CCM2: variants seen among roughly 807,000 people sequenced by gnomAD.
CCM2 encodes cerebral cavernous malformations 2 protein.
A neutral mutation model predicts 44.9 loss-of-function variants in CCM2; 25 were observed. That is an observed-to-expected ratio of 0.56 (90% CI 0.41 to 0.78). The LOEUF is 0.78. Ranked by LOEUF, CCM2 falls within the 30% of genes least tolerant of loss-of-function variation. The probability of loss-of-function intolerance (pLI) is 0.00; values close to 1 mark genes in which losing one functional copy is unlikely to be tolerated. For missense variants in CCM2, 481 were observed against 580.6 expected (o/e 0.83, Z 1.76); for synonymous variants, 219 against 241.1 (o/e 0.91, Z 0.85).
At chr7:45,003,144 C>A (rs1404550994) in intron 1 of CCM2, among the ~76,000 whole-genome samples, 1 of 152,122 alleles carries the variant, frequency 6.6e-6, no homozygotes, top group Non-Finnish European at 1.5e-5. Context: ...GGCACGATCT[C>A]AGCTCACTGC....
rs1030105441 is a variant in CCM2, at chr7:45,022,496, C to T, written c.31-15757C>T. ...TAATTTTTTGTATTTTTAGTAGAGA[C>T]GGGGTTTCACCGTGTTAGCCAGGAT... On this transcript the variant is annotated intron_variant, in intron 1 of 9. Coordinates refer to ENST00000258781, the MANE Select transcript of CCM2 (RefSeq NM_031443.4). Among the ~76,000 whole-genome samples the T allele has an allele frequency of 3.3e-5, 5 of 150,778 alleles. 1 individual carries two copies. The highest frequency in any genetic ancestry group is 5.9e-5 in the Non-Finnish European group (4 of 67,672).
At chr7:45,022,792 G>T (rs570246338) in intron 1 of CCM2, among the ~76,000 whole-genome samples, 2 of 152,030 alleles carry the variant, frequency 1.3e-5, no homozygotes, top group Non-Finnish European at 2.9e-5. Context: ...CCAGGCTGGA[G>T]TGCAGTGGTG....
At chr7:45,057,251 C>T (rs1169292244) in intron 2 of CCM2, among the ~76,000 whole-genome samples, 1 of 151,976 alleles carries the variant, frequency 6.6e-6, no homozygotes, top group Non-Finnish European at 1.5e-5. Context: ...CAGCCTCTGC[C>T]TCTTGGGTTC....
rs188902046 is a variant in CCM2 at position 45,057,368 on chromosome 7, G to A, written c.205-6550G>A. On this transcript the variant is annotated intron_variant, in intron 2 of 9. Coordinates refer to ENST00000258781, the MANE Select transcript of CCM2 (RefSeq NM_031443.4). ...AGTAGAGACGGGGTTTCACCATGTT[G>A]GCCAGGATGGTCTTGATATACTGAC... Among the ~76,000 whole-genome samples the A allele has an allele frequency of 1.2e-4, 19 of 152,140 alleles. No individual in the cohort carries two copies. The East Asian group carries it at 3.5e-3, about 28-fold the overall frequency.
intron 2 of CCM2, among the ~76,000 whole-genome samples, chr7:45,062,106 G>T (rs188589196): frequency 8.5e-4 from 129 of 152,256 alleles, no homozygotes; most frequent in African/African-American, 3.1e-3. Flanking sequence ...TCAATTATCT[G>T]ATGGATCTGA....
chr7:45,038,654 C>T (rs772337680), intron 2 of CCM2, among the ~76,000 whole-genome samples: 1 of 152,192 alleles, frequency 6.6e-6, no homozygotes, highest in Non-Finnish European at 1.5e-5. Context: ...GCAATGCCAC[C>T]TTCTTTCTCT....
intron 2 of CCM2, among the ~76,000 whole-genome samples, chr7:45,046,466 G>A (rs1250412861): frequency 5.3e-5 from 8 of 152,178 alleles, no homozygotes; most frequent in Non-Finnish European, 8.8e-5. Context: ...GCTGATTCTT[G>A]ACAAAGGTTC....
chr7:45,000,069 G>A, upstream of CCM2: 1 of 168,804 alleles, frequency 5.9e-6, no homozygotes, highest in Non-Finnish European at 1.3e-5. Context: ...ATCGCTGCGG[G>A]TCGGATTCCC....
chr7:45,020,623 T>C (rs929916412), intron 1 of CCM2, among the ~76,000 whole-genome samples: 13 of 152,244 alleles, frequency 8.5e-5, no homozygotes, highest in Admixed American at 2.0e-4. Flanking sequence ...TTTGTAATTT[T>C]AGTAGATGTT....
chr7:45,051,412 T>G (rs1797999599), intron 2 of CCM2, among the ~76,000 whole-genome samples: 2 of 144,866 alleles, frequency 1.4e-5, no homozygotes, highest in South Asian at 4.4e-4. Flanking sequence ...TTTATTTATT[T>G]ATTGAGACAT....
intron 2 of CCM2, among the ~76,000 whole-genome samples, chr7:45,056,187 T>C (rs1798254090): frequency 6.6e-6 from 1 of 152,236 alleles, no homozygotes; most frequent in East Asian, 1.9e-4. Context: ...TTTATTTCTT[T>C]TGTATATATA....
chr7:45,004,435 CA>C (rs1795764471), intron 1 of CCM2, among the ~76,000 whole-genome samples: 1 of 151,990 alleles, frequency 6.6e-6, no homozygotes, highest in African/African-American at 2.4e-5. Context: ...TGAGAATTTC[CA>C]TAATAAAAAG....
chr7:45,019,317 C>T (rs912193996), intron 1 of CCM2, among the ~76,000 whole-genome samples: 4 of 151,874 alleles, frequency 2.6e-5, no homozygotes, highest in African/African-American at 9.7e-5. Flanking sequence ...TCAAGCCATC[C>T]TCCTGCTTCC....
chr7:45,070,303 A>T (rs1320992390), intron 6 of CCM2: 2 of 379,350 alleles, frequency 5.3e-6, no homozygotes, highest in Non-Finnish European at 1.0e-5. Context: ...CCTGTGATGG[A>T]ATTGGGGAGG....
intron 1 of CCM2, among the ~76,000 whole-genome samples, chr7:45,013,279 C>A (rs922289523): frequency 6.6e-6 from 1 of 151,916 alleles, no homozygotes; most frequent in Admixed American, 6.6e-5. Flanking sequence ...CATATATTTT[C>A]TTTCTATACG....
At chr7:45,057,525 T>C (rs934110063) in intron 2 of CCM2, among the ~76,000 whole-genome samples, 2 of 152,168 alleles carry the variant, frequency 1.3e-5, no homozygotes, top group Non-Finnish European at 2.9e-5. Flanking sequence ...TCCATGACTG[T>C]GGTGGTGTAG....
chr7:45,050,243 T>C (rs2128738990), intron 2 of CCM2, among the ~76,000 whole-genome samples: 1 of 150,872 alleles, frequency 6.6e-6, no homozygotes, highest in Middle Eastern at 3.4e-3. Context: ...CCATATAGCC[T>C]AGGTGTGTAG....
At chr7:45,014,098 T>C (rs1262542018) in intron 1 of CCM2, among the ~76,000 whole-genome samples, 1 of 152,142 alleles carries the variant, frequency 6.6e-6, no homozygotes, top group African/African-American at 2.4e-5. Context: ...GGAAGCACTT[T>C]AAGCTGGCTC....
At chr7:45,015,526 G>A (rs1344230402) in intron 1 of CCM2, among the ~76,000 whole-genome samples, 1 of 152,192 alleles carries the variant, frequency 6.6e-6, no homozygotes, top group Non-Finnish European at 1.5e-5. Flanking sequence ...TGAAAAAAGG[G>A]TAAAGGTCAG....
Sources: allele counts gnomAD v4.1 joint callset (sites outside exome capture counted in the v4.1 genomes callset), GRCh38; gene constraint gnomAD v4.1.1; transcripts MANE v1.5; gene names NCBI Gene and HGNC (gene_info 2026-07-23, HGNC 2026-07-21).